TOP6BL: variants seen among roughly 807,000 people sequenced by gnomAD.
The protein encoded by TOP6BL is TOP6B like initiator of meiotic double strand breaks.
the TOP6BL span, among the ~76,000 whole-genome samples, chr11:66,833,040 C>CTTTTT: frequency 1.1e-4 from 13 of 117,260 alleles, no homozygotes; most frequent in Non-Finnish European, 1.6e-4. Context: ...ATCTTTCTGC[C>CTTTTT]TTTTTTTTTT....
At chr11:66,787,589 G>A in the TOP6BL span, among the ~76,000 whole-genome samples, 1 of 149,898 alleles carries the variant, frequency 6.7e-6, no homozygotes, top group East Asian at 2.0e-4. Context: ...GCATGGTGGT[G>A]CATGCCTCTA....
At chr11:66,828,411 A>T in the TOP6BL span, 7 of 1,435,804 alleles carry the variant, frequency 4.9e-6, no homozygotes, top group Non-Finnish European at 6.8e-6. Context: ...CCATTTTGAT[A>T]TATGGGAATC....
chr11:66,789,206 TAAAG>T, the TOP6BL span, among the ~76,000 whole-genome samples: 3 of 152,212 alleles, frequency 2.0e-5, no homozygotes, highest in Non-Finnish European at 4.4e-5. Flanking sequence ...GATCTCCTAA[TAAAG>T]AAAATTAAAA....
the TOP6BL span, among the ~76,000 whole-genome samples, chr11:66,841,499 A>G: frequency 3.9e-5 from 6 of 152,284 alleles, no homozygotes; most frequent in Admixed American, 3.3e-4. Context: ...TGACGCCTCT[A>G]TCTCCACTGT....
At chr11:66,828,423 T>A in the TOP6BL span, 3 of 1,318,060 alleles carry the variant, frequency 2.3e-6, no homozygotes, top group East Asian at 4.8e-5. Context: ...ATGGGAATCC[T>A]GAATTGAGGG....
chr11:66,788,326 A>G, the TOP6BL span: 72 of 1,277,016 alleles, frequency 5.6e-5, no homozygotes, highest in Non-Finnish European at 7.3e-5. Context: ...TTTTTCTGCA[A>G]TCTAATAACA....
At chr11:66,752,002 G>C in the TOP6BL span, among the ~76,000 whole-genome samples, 1 of 152,040 alleles carries the variant, frequency 6.6e-6, no homozygotes, top group African/African-American at 2.4e-5. Flanking sequence ...AGTGTATCCT[G>C]ACCTGCTCTA....
At chr11:66,827,791 C>T in the TOP6BL span, among the ~76,000 whole-genome samples, 1 of 151,450 alleles carries the variant, frequency 6.6e-6, no homozygotes, top group Non-Finnish European at 1.5e-5. Context: ...ATAGTGAAAC[C>T]CTGTCTCTAC....
At chr11:66,788,215 A>T in the TOP6BL span, 1 of 1,613,964 alleles carries the variant, frequency 6.2e-7, no homozygotes, top group African/African-American at 1.3e-5. Flanking sequence ...CTTCAGAGGA[A>T]GGCAGCTATT....
At chr11:66,784,962 T>C in the TOP6BL span, among the ~76,000 whole-genome samples, 7 of 142,310 alleles carry the variant, frequency 4.9e-5, no homozygotes, top group African/African-American at 1.8e-4. Flanking sequence ...ATTTCTTTTT[T>C]TTTTTTTTTT....
chr11:66,751,482 C>T, the TOP6BL span, among the ~76,000 whole-genome samples: 15 of 151,416 alleles, frequency 9.9e-5, no homozygotes, highest in Admixed American at 6.6e-4. Flanking sequence ...CGTGAGCCAC[C>T]GTGCCTGGCT....
the TOP6BL span, among the ~76,000 whole-genome samples, chr11:66,800,271 CAA>C: frequency 6.6e-6 from 1 of 151,984 alleles, no homozygotes; most frequent in Non-Finnish European, 1.5e-5. Flanking sequence ...TTAAAGTGTA[CAA>C]AGTTTCAGTT....
chr11:66,770,357 C>A, the TOP6BL span, among the ~76,000 whole-genome samples: 1 of 152,190 alleles, frequency 6.6e-6, no homozygotes, highest in African/African-American at 2.4e-5. Flanking sequence ...CCAGTAAACC[C>A]ATGAAAAGAT....
At chr11:66,837,980 G>A in the TOP6BL span, among the ~76,000 whole-genome samples, 3 of 152,290 alleles carry the variant, frequency 2.0e-5, no homozygotes, top group South Asian at 6.2e-4. Context: ...CACTCTGCTA[G>A]CTGTAAAGTG....
At chr11:66,761,240 G>A in the TOP6BL span, among the ~76,000 whole-genome samples, 1 of 151,916 alleles carries the variant, frequency 6.6e-6, no homozygotes, top group African/African-American at 2.4e-5. Flanking sequence ...GCGTGGTGGC[G>A]GGCGCCTGTA....
At chr11:66,779,623 A>T in the TOP6BL span, among the ~76,000 whole-genome samples, 1 of 152,170 alleles carries the variant, frequency 6.6e-6, no homozygotes, top group African/African-American at 2.4e-5. Flanking sequence ...GGAGATCTAG[A>T]ACTAGAAATA....
At chr11:66,754,750 AG>A in the TOP6BL span, among the ~76,000 whole-genome samples, 2 of 152,262 alleles carry the variant, frequency 1.3e-5, no homozygotes, top group Middle Eastern at 6.8e-3. Flanking sequence ...CTCAGCATTC[AG>A]GGGTTCTGTT....
At chr11:66,765,795 C>A in the TOP6BL span, among the ~76,000 whole-genome samples, 8 of 152,204 alleles carry the variant, frequency 5.3e-5, no homozygotes, top group African/African-American at 1.9e-4. Flanking sequence ...GGATTACAGG[C>A]GTAAGCCACT....
chr11:66,827,995 AG>A, the TOP6BL span, among the ~76,000 whole-genome samples: 2 of 141,262 alleles, frequency 1.4e-5, no homozygotes, highest in Non-Finnish European at 3.1e-5. Context: ...AAAAAAAAAG[AG>A]AGATGGGAAA....
Sources: gnomAD v4.1 joint callset for allele counts (sites outside exome capture counted in the v4.1 genomes callset) on GRCh38, gnomAD v4.1.1 for gene constraint, MANE v1.5 for transcripts, NCBI Gene and HGNC (gene_info 2026-07-23, HGNC 2026-07-21) for gene names.